The following ADAMTS9 variants were observed in gnomAD, a reference collection of about 807,000 sequenced individuals.
ADAMTS9 encodes A disintegrin and metalloproteinase with thrombospondin motifs 9.
In ADAMTS9, 107 loss-of-function variants were observed where a neutral mutation model predicts 257.1. The ratio of observed to expected loss-of-function variants is 0.42; its 90% confidence interval spans 0.36 to 0.49. ADAMTS9 has a LOEUF of 0.49. ADAMTS9 is among the 20% of genes least tolerant of loss of function. The probability of loss-of-function intolerance (pLI) is 0.03; values close to 1 mark genes in which losing one functional copy is unlikely to be tolerated. For synonymous variants in ADAMTS9, 982 were observed against 880.9 expected (o/e 1.11, Z -2.03); for missense variants, 2,353 against 2,469.1 (o/e 0.95, Z 1.00).
intron 28 of ADAMTS9, chr3:64,589,365 C>A (rs547445076): frequency 6.6e-6 from 1 of 152,080 alleles, no homozygotes; most frequent in African/African-American, 2.4e-5. Flanking sequence ...TAAACAGGAA[C>A]CTAAAAGTTC....
chr3:64,687,963 C>CG lies in ADAMTS9; in HGVS notation c.-307dup, dbSNP rs1701966104. On this transcript the variant is annotated 5_prime_UTR_variant, in exon 1 of 40. Transcript: ENST00000498707. The surrounding 1 kb of genome is among the most constrained non-coding windows in gnomAD (Gnocchi z 4.4). The stretch of plus-strand genomic sequence containing the variant: ...TGCCCAGCGAGCGGGCAGGAGAAGG[C>CG]GAGGAACTTGCGCTCCGAGGCGCGC... 1 of 197,958 alleles carries CG rather than the reference C, an allele frequency of 5.1e-6. No individual in the cohort carries two copies. The highest frequency in any genetic ancestry group is 1.0e-5 in the Non-Finnish European group (1 of 99,666). The allele number at this position is 197,958 out of a possible 1,614,324, so 12.3% of individuals were successfully genotyped here.
At chr3:64,667,373 G>C (rs1701374780) in intron 3 of ADAMTS9, among the ~76,000 whole-genome samples, 1 of 152,186 alleles carries the variant, frequency 6.6e-6, no homozygotes, top group South Asian at 2.1e-4. Context: ...AAACTTACGG[G>C]ATCTTTGCCA....
At chr3:64,532,150 C>A (rs139015495) in intron 38 of ADAMTS9, among the ~76,000 whole-genome samples, 2 of 152,156 alleles carry the variant, frequency 1.3e-5, no homozygotes, top group South Asian at 2.1e-4. Flanking sequence ...ACAGTCGACA[C>A]GCTCCTCAGT....
rs56347750 is a variant in ADAMTS9, at chr3:64,542,430, C to CTTTCTTTTT, written c.5065-461_5065-460insAAAAAGAAA. Among the ~76,000 whole-genome samples, 46 of 124,524 alleles carry CTTTCTTTTT rather than the reference C, an allele frequency of 3.7e-4. 1 individual carries two copies. The highest frequency in any genetic ancestry group is 7.9e-4 in the South Asian group (3 of 3,780). The allele number at this position is 124,524 out of a possible 152,430, so 81.7% of individuals were successfully genotyped here. A position where few individuals can be genotyped will look rare whatever the true frequency, so the allele number is the denominator to read the frequency against. On this transcript the variant is annotated intron_variant, in intron 32 of 39. Transcript: ENST00000498707. ...CTGATCACTTTTCATTTCTTTCTTT[C>CTTTCTTTTT]TTTTTTTTTTTTTTGAGACAGAGTT...
chr3:64,654,627 G>T lies in ADAMTS9; in HGVS notation c.1170-15C>A, dbSNP rs200319714. 1,042 of 1,613,876 alleles carry T rather than the reference G, an allele frequency of 6.5e-4. No homozygotes were observed. The highest frequency in any genetic ancestry group is 8.4e-4 in the Non-Finnish European group (994 of 1,179,914). ...AGATATCCTGTCTGAAAGCAAAGCA[G>T]ACTTAGGCCTTGATGACATCAAAGA... On this transcript the variant is annotated splice_polypyrimidine_tract_variant and intron_variant, in intron 6 of 39. Coordinates refer to ENST00000498707, the MANE Select transcript of ADAMTS9 (RefSeq NM_182920.2).
chr3:64,592,264 A>G (rs1196657907), intron 28 of ADAMTS9: 1 of 152,210 alleles, frequency 6.6e-6, no homozygotes, highest in East Asian at 1.9e-4. Flanking sequence ...TAAAGAAACC[A>G]TTGAAATCAT....
chr3:64,641,947 A>G lies in ADAMTS9; in HGVS notation c.1757T>C (p.Val586Ala), dbSNP rs755103262. 4 of 1,614,086 alleles carry G rather than the reference A, an allele frequency of 2.5e-6. No homozygotes were observed. The highest frequency in any genetic ancestry group is 3.4e-6 in the Non-Finnish European group (4 of 1,179,992). ...FCVPKEMDVP[V>A]TDGSWGSWSP... ...CCAACTTCCCCAGGATCCATCTGTC[A>G]CGGGGACATCCATTTCTTTGGGAAC... The change falls in exon 12 of 40, where the codon GTG becomes GCG. Residue 586 changes from valine (V) to alanine (A), a missense_variant. Around this residue, in one of 3 missense-constraint regions of ADAMTS9, gnomAD observed 360 missense variants for 458.1 expected, o/e 0.79. Transcript: ENST00000498707.
rs755182181 is a variant in ADAMTS9, at chr3:64,561,619, G to C, written c.4657C>G (p.Arg1553Gly). The change falls in exon 30 of 40, where the codon CGG (arginine) becomes GGG (glycine). Residue 1553 changes from arginine to glycine, a missense_variant. By Grantham distance (125) the Arg-to-Gly change is moderately radical. Transcript: ENST00000498707. ...PESERDCQGP[R>G]CPLYTWRAEE... ...GCCCTCCAAGTGTAGAGGGGACACC[G>C]TGGGCCTTGGCAGTCGCGTTCCGAC... The C allele has an allele frequency of 6.2e-7, 1 of 1,613,830 alleles. No individual in the cohort carries two copies. Among genetic ancestry groups the C allele is most frequent in the South Asian group, 1.1e-5 (1 of 91,072 alleles).
intron 14 of ADAMTS9, among the ~76,000 whole-genome samples, chr3:64,632,897 A>G (rs1033179119): frequency 4.6e-5 from 7 of 152,116 alleles, no homozygotes; most frequent in Non-Finnish European, 7.4e-5. Context: ...GTTAGGAATA[A>G]TTTTTGACTA....
rs1448835105 is a variant in ADAMTS9, at chr3:64,594,315, C to A, written c.4299G>T (p.Gln1433His). 7 of 1,613,478 alleles carry A rather than the reference C, an allele frequency of 4.3e-6. No individual in the cohort carries two copies. Among genetic ancestry groups the A allele is most frequent in the Non-Finnish European group, 5.9e-6 (7 of 1,179,818 alleles). Residue 1433 changes from glutamine (Q) to histidine (H), a missense_variant, in exon 28 of 40, where the codon CAG becomes CAT. Gln to His is a conservative substitution (Grantham distance 24). Around this residue, in one of 3 missense-constraint regions of ADAMTS9, gnomAD observed 1,402 missense variants for 1,441.4 expected, o/e 0.97. Transcript: ENST00000498707. ...EILDKPPDREQCNTHACPHDA... is the reference protein window; with the variant it reads ...EILDKPPDREHCNTHACPHDA... ...CGTGTGGACAAGCATGTGTGTTACA[C>A]TGCTCACGATCGGGAGGTTTATCAA...
chr3:64,687,739 G>T lies in ADAMTS9; in HGVS notation c.-82C>A. The T allele has an allele frequency of 8.8e-7, 1 of 1,131,068 alleles. No homozygotes were observed. Among genetic ancestry groups the T allele is most frequent in the Non-Finnish European group, 1.2e-6 (1 of 836,712 alleles). The allele number at this position is 1,131,068 out of a possible 1,614,324, so 70.1% of individuals were successfully genotyped here. A position where few individuals can be genotyped will look rare whatever the true frequency, so the allele number is the denominator to read the frequency against. On this transcript the variant is annotated 5_prime_UTR_variant, in exon 1 of 40. Coordinates refer to ENST00000498707, the MANE Select transcript of ADAMTS9 (RefSeq NM_182920.2). The surrounding 1 kb of genome is among the most constrained non-coding windows in gnomAD (Gnocchi z 4.4). ...GCTGCGGCGGCGACGCGAGGCAGCG[G>T]CCGTGGAGAGCGCGCGGAGCCCGGC...
chr3:64,567,827 G>C (rs1424535060), intron 29 of ADAMTS9, among the ~76,000 whole-genome samples: 2 of 151,954 alleles, frequency 1.3e-5, no homozygotes, highest in African/African-American at 4.8e-5. Context: ...TAAGAGCCAT[G>C]TGTAGTAGGC....
chr3:64,616,427 G>A lies in ADAMTS9; in HGVS notation c.2814-257C>T, dbSNP rs76417843. ...CCTTTGTGATGATTTTACCCCGATAGTCAATCTGAAATTCAAGCTACCAAA... is the reference window on the plus strand; with the variant it reads ...CCTTTGTGATGATTTTACCCCGATAATCAATCTGAAATTCAAGCTACCAAA... On this transcript the variant is annotated intron_variant, in intron 19 of 39. Transcript: ENST00000498707. 6.9e-3 allele frequency among the ~76,000 whole-genome samples: 1,056 copies of A among 152,254 alleles called. 3 individuals are homozygous for A. The highest frequency in any genetic ancestry group is 0.017 in the Middle Eastern group (5 of 294).
chr3:64,632,178 G>C (rs1450617538), intron 14 of ADAMTS9, among the ~76,000 whole-genome samples: 1 of 152,166 alleles, frequency 6.6e-6, no homozygotes, highest in Non-Finnish European at 1.5e-5. Context: ...TACTGGATCA[G>C]AGTTGGCATT....
chr3:64,687,809 G>T lies in ADAMTS9; in HGVS notation c.-152C>A, dbSNP rs1701960750. The T allele has an allele frequency of 3.6e-6, 2 of 551,370 alleles. No individual in the cohort carries two copies. The highest frequency in any genetic ancestry group is 8.0e-5 in the Admixed American group (2 of 25,062). The allele number at this position is 551,370 out of a possible 1,614,324, so 34.2% of individuals were successfully genotyped here. On this transcript the variant is annotated 5_prime_UTR_variant, in exon 1 of 40. Coordinates refer to ENST00000498707, the MANE Select transcript of ADAMTS9 (RefSeq NM_182920.2). This position sits in a 1 kb window ranked among gnomAD's most constrained non-coding sequence, Gnocchi z 4.4. ...CTTTAGGAGTCGCTGAGGTCTCGCT[G>T]CGAGGGTCCCGTCTGCGCTCGGCTG...
At chr3:64,657,321 A>T (rs1340725141) in intron 4 of ADAMTS9, among the ~76,000 whole-genome samples, 1 of 152,140 alleles carries the variant, frequency 6.6e-6, no homozygotes, top group Non-Finnish European at 1.5e-5. Context: ...TGCTAAAATT[A>T]ATTTTACCTG....
intron 8 of ADAMTS9, 112 bp from the exon 9 acceptor site, chr3:64,651,275 GA>G: frequency 1.2e-6 from 1 of 838,754 alleles, no homozygotes; most frequent in Non-Finnish European, 1.8e-6. Flanking sequence ...CTTCATTTTG[GA>G]TAAGAACCTG....
At chr3:64,577,249 C>T (rs915175590) in intron 28 of ADAMTS9, among the ~76,000 whole-genome samples, 3 of 152,088 alleles carry the variant, frequency 2.0e-5, no homozygotes, top group Admixed American at 6.5e-5. Context: ...ACAATAATCA[C>T]CAGGCAGTGT....
At chr3:64,648,300 A>G (rs995296508) in intron 10 of ADAMTS9, among the ~76,000 whole-genome samples, 6 of 152,184 alleles carry the variant, frequency 3.9e-5, no homozygotes, top group Non-Finnish European at 7.3e-5. Context: ...TGAAGGCCCT[A>G]TGTACTCATC....
Sources: gnomAD v4.1 joint callset for allele counts (sites outside exome capture counted in the v4.1 genomes callset) on GRCh38, gnomAD v4.1.1 for gene constraint, gnomAD v4.1.1 regional missense constraint, Gnocchi (gnomAD v3.1) non-coding constraint, MANE v1.5 for transcripts, NCBI Gene and HGNC (gene_info 2026-07-23, HGNC 2026-07-21) for gene names.